Variants in DNAAF4 observed in about 807,000 individuals in gnomAD.
DNAAF4 encodes the protein dynein axonemal assembly factor 4, also known as dynein assembly factor 4, axonemal.
In DNAAF4, 43 loss-of-function variants were observed where a neutral mutation model predicts 51.8. That is an observed-to-expected ratio of 0.83 (90% CI 0.65 to 1.07). The LOEUF (loss-of-function observed/expected upper bound fraction) is 1.07. DNAAF4 is among the 50% of genes least tolerant of loss of function. The probability of loss-of-function intolerance (pLI) is 0.00; values close to 1 mark genes in which losing one functional copy is unlikely to be tolerated. For synonymous variants in DNAAF4, 194 were observed against 165.6 expected (o/e 1.17, Z -1.32); for missense variants, 581 against 493.0 (o/e 1.18, Z -1.69).
intron 4 of DNAAF4, among the ~76,000 whole-genome samples, chr15:55,487,280 G>C (rs1044810687): frequency 6.6e-6 from 1 of 152,068 alleles, no homozygotes; most frequent in Non-Finnish European, 1.5e-5. Context: ...TCAGTGCTCT[G>C]TGTCTAGCTA....
At chr15:55,506,595 A>G (rs1307609644) in intron 1 of DNAAF4, among the ~76,000 whole-genome samples, 1 of 152,190 alleles carries the variant, frequency 6.6e-6, no homozygotes, top group Non-Finnish European at 1.5e-5. Context: ...AATTTCCCCC[A>G]TCTGAGAATT....
downstream of DNAAF4, among the ~76,000 whole-genome samples, chr15:55,428,422 G>T (rs190012262): frequency 7.5e-4 from 113 of 150,266 alleles, no homozygotes; most frequent in African/African-American, 2.7e-3. Context: ...AACAAGGACA[G>T]CTTGGAGGTT....
In DNAAF4 at chr15:55,451,161, G is replaced by T. The variant is rs557256042; in HGVS notation, c.638-794C>A. Among the ~76,000 whole-genome samples, 17 of 152,296 alleles carry T rather than the reference G, an allele frequency of 1.1e-4. 1 individual carries two copies. Among genetic ancestry groups the T allele is most frequent in the Admixed American group, 7.2e-4 (11 of 15,290 alleles). ...AGACATTTCAAAGGACTGGGGCAAG[G>T]GGGGAAGGAGCGCTCTTAGACTCAA... On this transcript the variant is annotated intron_variant, in intron 5 of 9. Coordinates refer to ENST00000321149, the MANE Select transcript of DNAAF4 (RefSeq NM_130810.4).
chr15:55,463,694 C>T (rs764892763), intron 5 of DNAAF4, among the ~76,000 whole-genome samples: 78 of 151,814 alleles, frequency 5.1e-4, no homozygotes, highest in Non-Finnish European at 1.1e-3. Flanking sequence ...ACAACAGCTG[C>T]AAAAAAACCC....
chr15:55,501,525 G>A (rs1453067935), intron 1 of DNAAF4, among the ~76,000 whole-genome samples: 2 of 149,512 alleles, frequency 1.3e-5, no homozygotes, highest in African/African-American at 2.5e-5. Flanking sequence ...ACAGGTGCCC[G>A]CCACCGCATC....
intron 7 of DNAAF4, among the ~76,000 whole-genome samples, chr15:55,420,476 TAGAA>T (rs538434755): frequency 2.6e-5 from 4 of 152,092 alleles, no homozygotes; most frequent in Non-Finnish European, 5.9e-5. Flanking sequence ...TACCATCAAT[TAGAA>T]AGAATAAATT....
At chr15:55,493,832 T>C (rs1054943839) in intron 3 of DNAAF4, among the ~76,000 whole-genome samples, 3 of 151,940 alleles carry the variant, frequency 2.0e-5, no homozygotes, top group Non-Finnish European at 2.9e-5. Flanking sequence ...GCCTCCCAAG[T>C]AGCTGGGACT....
intron 5 of DNAAF4, among the ~76,000 whole-genome samples, chr15:55,463,569 A>G (rs911049865): frequency 6.6e-6 from 1 of 152,198 alleles, no homozygotes; most frequent in African/African-American, 2.4e-5. Context: ...CCTAGATCTG[A>G]TATATGAATT....
rs529333210 is a variant in DNAAF4, at chr15:55,486,476, G to A, written c.405+4647C>T. Among the ~76,000 whole-genome samples the A allele has an allele frequency of 1.2e-4, 18 of 152,162 alleles. No homozygotes were observed. The East Asian group carries it at 3.3e-3, about 28-fold the overall frequency. ...TCCAAAGTGCTGGGATTACAGGCATGAGCCACCATGCCCAGATGACCCTGC... is the reference window on the plus strand; with the variant it reads ...TCCAAAGTGCTGGGATTACAGGCATAAGCCACCATGCCCAGATGACCCTGC... On this transcript the variant is annotated intron_variant, in intron 4 of 9. Transcript: ENST00000321149.
chr15:55,476,591 A>G (rs1397500042), intron 4 of DNAAF4, among the ~76,000 whole-genome samples: 1 of 152,218 alleles, frequency 6.6e-6, no homozygotes, highest in Non-Finnish European at 1.5e-5. Context: ...AATGTGTTCT[A>G]TACGTTTTAA....
At position 55,497,887 on chromosome 15, in the gene DNAAF4, AAGTT is replaced by A. The variant is rs1334109634; in HGVS notation, c.124-32_124-29del. The A allele has an allele frequency of 2.5e-6, 4 of 1,573,678 alleles. No homozygotes were observed. The African/African-American group carries it at 4.1e-5, about 16-fold the overall frequency. On this transcript the variant is annotated intron_variant, in intron 2 of 9. Transcript: ENST00000321149. Reference sequence around the variant, plus strand: ...ATGCAGAAGGGTGAAAACAGAAACTAAGTTAGTTACACAAATTAAGCACGCGTAT... The same window carrying A: ...ATGCAGAAGGGTGAAAACAGAAACTAAGTTACACAAATTAAGCACGCGTAT...
intron 6 of DNAAF4, among the ~76,000 whole-genome samples, chr15:55,447,486 A>T (rs2057852074): frequency 6.6e-6 from 1 of 151,728 alleles, no homozygotes; most frequent in Non-Finnish European, 1.5e-5. Flanking sequence ...TCTGGGCAAC[A>T]TTGAGCATTG....
chr15:55,442,811 T>C, intron 6 of DNAAF4: 2 of 1,612,406 alleles, frequency 1.2e-6, no homozygotes, highest in Non-Finnish European at 8.5e-7. Context: ...TTACAACTGA[T>C]GTTGAGATTG....
chr15:55,442,850 T>A (rs530117819), intron 6 of DNAAF4: 3 of 1,612,822 alleles, frequency 1.9e-6, no homozygotes, highest in Middle Eastern at 2.0e-4. Context: ...CCAGCCATCA[T>A]TGCACACATA....
chr15:55,451,832 G>C lies in DNAAF4; in HGVS notation c.638-1465C>G, dbSNP rs151176793. 3.1e-3 allele frequency among the ~76,000 whole-genome samples: 473 copies of C among 152,030 alleles called. 2 individuals carry two copies. The highest frequency in any genetic ancestry group is 0.011 in the African/African-American group (452 of 41,458). On this transcript the variant is annotated intron_variant, in intron 5 of 9. Transcript: ENST00000321149. ...GATGGGGTCTTGTTTTGTTGCCCAG[G>C]CTGCTCTTGAACTCCTGGGCTCAAG... is the stretch of plus-strand genomic sequence containing the variant.
At chr15:55,428,484 C>CTTTTTTTTTTT (rs747325376), downstream of DNAAF4, among the ~76,000 whole-genome samples, 65 of 85,076 alleles carry the variant, frequency 7.6e-4, 3 homozygotes, top group African/African-American at 1.3e-3. Context: ...TCTTTTTTTT[C>CTTTTTTTTTTT]TTTTTTTTTT....
chr15:55,464,470 A>C (rs1024739913), intron 5 of DNAAF4, among the ~76,000 whole-genome samples: 1 of 152,214 alleles, frequency 6.6e-6, no homozygotes, highest in African/African-American at 2.4e-5. Context: ...AATTAAACTA[A>C]AAAGCTTCTG....
In DNAAF4 at chr15:55,504,203, C is replaced by A. The variant is rs575344357; in HGVS notation, c.-256+3919G>T. Among the ~76,000 whole-genome samples, 474 of 152,200 alleles carry A rather than the reference C, an allele frequency of 3.1e-3. 1 individual carries two copies. The highest frequency in any genetic ancestry group is 0.011 in the African/African-American group (447 of 41,540). On this transcript the variant is annotated intron_variant, in intron 1 of 9. Coordinates refer to ENST00000321149, the MANE Select transcript of DNAAF4 (RefSeq NM_130810.4). ...CAAAGAGAATAAAATACCTAGGAATCCAACTTACAAGGGATGTGAAGGACC... is the reference window on the plus strand; with the variant it reads ...CAAAGAGAATAAAATACCTAGGAATACAACTTACAAGGGATGTGAAGGACC...
intron 5 of DNAAF4, among the ~76,000 whole-genome samples, chr15:55,452,629 T>C (rs1485937841): frequency 6.6e-6 from 1 of 152,202 alleles, no homozygotes; most frequent in Admixed American, 6.6e-5. Flanking sequence ...AAGTTTTACA[T>C]GCAATTTTAT....
Sources: allele counts gnomAD v4.1 joint callset (sites outside exome capture counted in the v4.1 genomes callset), GRCh38; gene constraint gnomAD v4.1.1; transcripts MANE v1.5; gene names NCBI Gene and HGNC (gene_info 2026-07-23, HGNC 2026-07-21).